Variants in SYT4 observed in about 807,000 individuals in gnomAD.
The protein encoded by SYT4 is synaptotagmin 4, also known as synaptotagmin-4.
In SYT4, 7 loss-of-function variants were observed where a neutral mutation model predicts 32.9. The observed-to-expected ratio is 0.21, with a 90% confidence interval of 0.12 to 0.40. The LOEUF is 0.40. Among genes scored for constraint, SYT4 ranks in the 10% least tolerant of loss-of-function variants. The pLI is 1.00. For synonymous variants in SYT4, 205 were observed against 186.2 expected, an observed-to-expected ratio of 1.10 and a Z score of -0.82; for missense variants, 480 against 488.0, an observed-to-expected ratio of 0.98 and a Z score of 0.16.
Position 43,277,259 on chromosome 18 carries a change from C to A in SYT4, c.23G>T (p.Arg8Leu), listed in dbSNP as rs771983776. Residue 8 changes from arginine (R) to leucine (L), a missense_variant, in exon 1 of 4, where the codon CGG (arginine) becomes CTG (leucine). Arg to Leu is a moderately radical substitution (Grantham distance 102). Transcript: ENST00000255224. Reference sequence around the variant, plus strand: ...AGTAACTTGCTTACCAAATTCTTCCCGGCTGGTGGTGATCGGAGCCATTTT... The same window carrying A: ...AGTAACTTGCTTACCAAATTCTTCCAGGCTGGTGGTGATCGGAGCCATTTT... MAPITTSREEFDEIPTVV... is the reference protein window; with the variant it reads MAPITTSLEEFDEIPTVV... 35 of 1,613,892 alleles carry A rather than the reference C, an allele frequency of 2.2e-5. No homozygotes were observed. The highest frequency in any genetic ancestry group is 2.8e-5 in the Non-Finnish European group (33 of 1,179,944).
chr18:43,269,138 T>C lies in SYT4; in HGVS notation c.*1203A>G, dbSNP rs1394558684. ...GAAAATGATACAAGACACAAGTCTG[T>C]AAACTGCTCTATAGACAACAGCTCA... On this transcript the variant is annotated 3_prime_UTR_variant, in exon 4 of 4. Coordinates refer to ENST00000255224, the MANE Select transcript of SYT4 (RefSeq NM_020783.4). 1 of 152,196 alleles carries C rather than the reference T, an allele frequency of 6.6e-6. No individual in the cohort carries two copies. The allele number at this position is 152,196 out of a possible 1,614,324, so 9.4% of individuals were successfully genotyped here.
At chr18:43,275,381 G>A (rs1908761308) in intron 1 of SYT4, among the ~76,000 whole-genome samples, 1 of 152,058 alleles carries the variant, frequency 6.6e-6, no homozygotes, top group Admixed American at 6.6e-5. Flanking sequence ...CACTATGGAA[G>A]TAAAAGCAGT....
chr18:43,270,957 A>G (rs1185821039), intron 3 of SYT4, among the ~76,000 whole-genome samples: 1 of 152,150 alleles, frequency 6.6e-6, no homozygotes, highest in African/African-American at 2.4e-5. Flanking sequence ...TCTGATTACT[A>G]TTAACTTACT....
intron 1 of SYT4, among the ~76,000 whole-genome samples, chr18:43,274,979 G>T (rs1908748627): frequency 1.3e-5 from 2 of 152,042 alleles, no homozygotes; most frequent in South Asian, 4.1e-4. Context: ...ATTAGAGAAA[G>T]TAAAACAAAA....
chr18:43,271,681 G>A lies in SYT4; in HGVS notation c.970+31C>T, dbSNP rs547316366. The A allele has an allele frequency of 5.1e-5, 82 of 1,610,588 alleles. No individual in the cohort carries two copies. In the South Asian group the frequency reaches 8.8e-4, roughly 17 times the overall value. On this transcript the variant is annotated intron_variant, in intron 3 of 3. Transcript: ENST00000255224. ...CAGTCAAATACATTCCAATCATACA[G>A]TGAATCTGAATATTTCAGAAGCATT... is the stretch of plus-strand genomic sequence containing the variant.
In SYT4 at chr18:43,268,205, C is replaced by T. The variant is rs1908513187; in HGVS notation, c.*2136G>A. The T allele has an allele frequency of 1.3e-5, 2 of 152,574 alleles. No homozygotes were observed. Among genetic ancestry groups the T allele is most frequent in the African/African-American group, 2.4e-5 (1 of 41,428 alleles). The allele number at this position is 152,574 out of a possible 1,614,324, so 9.5% of individuals were successfully genotyped here. ...AATACATTCTAAAACAGTACATTTT[C>T]AGAAATGATGAAATTAGGTATTAAG... On this transcript the variant is annotated 3_prime_UTR_variant, in exon 4 of 4. Coordinates refer to ENST00000255224, the MANE Select transcript of SYT4 (RefSeq NM_020783.4).
intron 2 of SYT4, 43 bp downstream of exon 2, chr18:43,273,537 A>T (rs758025223): frequency 1.5e-5 from 21 of 1,411,490 alleles, no homozygotes; most frequent in Middle Eastern, 1.9e-4. Context: ...AATGCTACAT[A>T]AAAGATTGTT....
In SYT4 at chr18:43,273,713, T is replaced by G. The variant is rs764911645; in HGVS notation, c.716A>C (p.His239Pro). The G allele has an allele frequency of 1.2e-6, 2 of 1,614,014 alleles. No homozygotes were observed. The highest frequency in any genetic ancestry group is 1.7e-6 in the Non-Finnish European group (2 of 1,179,908). ...CCTGTCAAAACTCAAAATTGTGAAG[T>G]GCAAGGCCAATTCTTGGATTTGGGT... is the stretch of plus-strand genomic sequence containing the variant. ...PYTQIQELAL[H>P]FTILSFDRFS... is the part of the protein sequence containing the mutation. Residue 239 changes from histidine (H) to proline (P), a missense_variant, in exon 2 of 4, where the codon CAC (histidine) becomes CCC (proline). By Grantham distance (77) the His-to-Pro change is moderately conservative. Transcript: ENST00000255224.
intron 1 of SYT4, among the ~76,000 whole-genome samples, chr18:43,277,001 A>G (rs544411520): frequency 2.6e-5 from 4 of 152,336 alleles, no homozygotes; most frequent in African/African-American, 7.2e-5. Context: ...GAAGTACCTG[A>G]AAATTTAAGA....
rs1476473312 is a variant in SYT4 at position 43,274,054 on chromosome 18, G to A, written c.375C>T (p.Leu125=). Residue 125 remains leucine (L), a synonymous_variant, in exon 2 of 4, where the codon CTC becomes CTT. Coordinates refer to ENST00000255224, the MANE Select transcript of SYT4 (RefSeq NM_020783.4). ...PSDLENATPK[L]FLEGEKESVS... Reference sequence around the variant, plus strand: ...CTGACTCTTTTTCCCCTTCTAAAAAGAGCTTCGGGGTTGCATTCTCCAGAT... The same window carrying A: ...CTGACTCTTTTTCCCCTTCTAAAAAAAGCTTCGGGGTTGCATTCTCCAGAT... 1.9e-6 allele frequency: 3 copies of A among 1,614,042 alleles called. No individual in the cohort carries two copies.
In SYT4 at chr18:43,273,622, T is replaced by G; in HGVS notation, c.807A>C (p.Gly269=). 1 of 1,613,380 alleles carries G rather than the reference T, an allele frequency of 6.2e-7. No individual in the cohort carries two copies. The highest frequency in any genetic ancestry group is 8.5e-7 in the Non-Finnish European group (1 of 1,179,630). ...TGATCTCTCTATTCATTAACATTTT[T>G]CCTTCAGATAATTCAATTCCCGAGA... ...IPLSGIELSE[G]KMLMNREIIK... is the part of the protein sequence containing the mutation. The change falls in exon 2 of 4, where the codon GGA becomes GGC. Residue 269 remains glycine (G), a synonymous_variant. Coordinates refer to ENST00000255224, the MANE Select transcript of SYT4 (RefSeq NM_020783.4).
chr18:43,271,089 A>G (rs1908616557), intron 3 of SYT4, among the ~76,000 whole-genome samples: 1 of 152,168 alleles, frequency 6.6e-6, no homozygotes, highest in African/African-American at 2.4e-5. Context: ...ATGAGGATTT[A>G]GAGTCCACAA....
In SYT4 at chr18:43,268,363, T is replaced by C. The variant is rs1908518940; in HGVS notation, c.*1978A>G. 1.3e-5 allele frequency: 2 copies of C among 151,772 alleles called. No homozygotes were observed. Among genetic ancestry groups the C allele is most frequent in the South Asian group, 4.2e-4 (2 of 4,806 alleles). 9.4% of individuals were successfully genotyped at this position (151,772 alleles called of 1,614,324 possible). A position where few individuals can be genotyped will look rare whatever the true frequency, so the allele number is the denominator to read the frequency against. ...AAAGCTAAAAACTATTTACAAATTATCCATTTTAATTTTAAAAATGTTTGT... is the reference window on the plus strand; with the variant it reads ...AAAGCTAAAAACTATTTACAAATTACCCATTTTAATTTTAAAAATGTTTGT... On this transcript the variant is annotated 3_prime_UTR_variant, in exon 4 of 4. Coordinates refer to ENST00000255224, the MANE Select transcript of SYT4 (RefSeq NM_020783.4).
In SYT4 at chr18:43,270,256, C is replaced by T. The variant is rs984086102; in HGVS notation, c.*85G>A. The T allele has an allele frequency of 7.0e-7, 1 of 1,426,388 alleles. No homozygotes were observed. Among genetic ancestry groups the T allele is most frequent in the African/African-American group, 1.4e-5 (1 of 69,860 alleles). 88.4% of individuals were successfully genotyped at this position (1,426,388 alleles called of 1,614,324 possible). A position where few individuals can be genotyped will look rare whatever the true frequency, so the allele number is the denominator to read the frequency against. On this transcript the variant is annotated 3_prime_UTR_variant, in exon 4 of 4. Transcript: ENST00000255224. ...CAACAACAAAAAGGTAGCTTGATTT[C>T]CCAAGCTTGCAATCCAATATAGAAA...
rs759355306 is a variant in SYT4, at chr18:43,273,896, C to A, written c.533G>T (p.Arg178Leu). ...CTGCTCATCCATGGCTGGCAAGCCA[C>A]GGGCTTCCTTGATATTGACCACAAA... ...KAFVVNIKEA[R>L]GLPAMDEQSM... Residue 178 changes from arginine (R) to leucine (L), a missense_variant, in exon 2 of 4, where the codon CGT becomes CTT. Physicochemically the swap from Arg to Leu is moderately radical, Grantham distance 102. Coordinates refer to ENST00000255224, the MANE Select transcript of SYT4 (RefSeq NM_020783.4). 1.2e-6 allele frequency: 2 copies of A among 1,614,038 alleles called. No individual in the cohort carries two copies. The highest frequency in any genetic ancestry group is 2.2e-5 in the South Asian group (2 of 91,076).
In SYT4 at chr18:43,273,664, C is replaced by T; in HGVS notation, c.765G>A (p.Gly255=). 1 of 1,613,808 alleles carries T rather than the reference C, an allele frequency of 6.2e-7. No individual in the cohort carries two copies. The highest frequency in any genetic ancestry group is 8.5e-7 in the Non-Finnish European group (1 of 1,179,826). ...FDRFSRDDII[G]EVLIPLSGIE... is the part of the protein sequence containing the mutation. ...TTCCCGAGAGAGGAATTAGAACTTCCCCAATGATATCATCTCTTGAAAACC... is the reference window on the plus strand; with the variant it reads ...TTCCCGAGAGAGGAATTAGAACTTCTCCAATGATATCATCTCTTGAAAACC... The change falls in exon 2 of 4, where the codon GGG becomes GGA. Residue 255 remains glycine, a synonymous_variant. Transcript: ENST00000255224.
In SYT4 at chr18:43,271,713, T is replaced by C. The variant is rs1908635570; in HGVS notation, c.969A>G (p.Ser323=). Residue 323 remains serine, a splice_region_variant and synonymous_variant, in exon 3 of 4, where the codon TCA becomes TCG. Transcript: ENST00000255224. ...HLPKSDVSGL[S]DPYVKVNLYH... is the part of the protein sequence containing the mutation. ...TGAATATTTCAGAAGCATTCTTACC[T>C]GAAAGTCCGGACACATCAGATTTAG... The C allele has an allele frequency of 3.7e-6, 6 of 1,612,564 alleles. No individual in the cohort carries two copies. Among genetic ancestry groups the C allele is most frequent in the Non-Finnish European group, 5.1e-6 (6 of 1,178,914 alleles).
rs867037750 is a variant in SYT4 at position 43,274,061 on chromosome 18, G to A, written c.368C>T (p.Pro123Leu). The stretch of plus-strand genomic sequence containing the variant: ...TTTTTCCCCTTCTAAAAAGAGCTTC[G>A]GGGTTGCATTCTCCAGATCAGAAGG... Reference protein sequence around the residue: ...GSPSDLENATPKLFLEGEKES... With the variant: ...GSPSDLENATLKLFLEGEKES... The change falls in exon 2 of 4, where the codon CCG becomes CTG. Residue 123 changes from proline (P) to leucine (L), a missense_variant. Physicochemically the swap from Pro to Leu is moderately conservative, Grantham distance 98. Coordinates refer to ENST00000255224, the MANE Select transcript of SYT4 (RefSeq NM_020783.4). 6 of 1,613,918 alleles carry A rather than the reference G, an allele frequency of 3.7e-6. No individual in the cohort carries two copies. Among genetic ancestry groups the A allele is most frequent in the African/African-American group, 2.7e-5 (2 of 74,904 alleles).
chr18:43,270,503 A>G lies in SYT4; in HGVS notation c.1116T>C (p.Val372=), dbSNP rs758728235. The part of the protein sequence containing the change: ...IPCEGLEDIS[V]EFLVLDSERG... ...TTTCAGAATCCAAAACCAAAAATTC[A>G]ACACTTATATCTTCAAGGCCCTCAC... The change falls in exon 4 of 4, where the codon GTT becomes GTC. Residue 372 remains valine, a synonymous_variant. Transcript: ENST00000255224. 6.2e-7 allele frequency: 1 copy of G among 1,614,078 alleles called. No individual in the cohort carries two copies. Among genetic ancestry groups the G allele is most frequent in the South Asian group, 1.1e-5 (1 of 91,084 alleles).
Sources: gnomAD v4.1 joint callset for allele counts (sites outside exome capture counted in the v4.1 genomes callset) on GRCh38, gnomAD v4.1.1 for gene constraint, MANE v1.5 for transcripts, NCBI Gene and HGNC (gene_info 2026-07-23, HGNC 2026-07-21) for gene names.